The following ZNF407 variants were observed in gnomAD, a reference collection of about 807,000 sequenced individuals.
The protein encoded by ZNF407 is zinc finger protein 407.
Under a neutral mutation model 131.2 loss-of-function variants are expected in ZNF407, and 17 were observed. That is an observed-to-expected ratio of 0.13 (90% CI 0.09 to 0.19). ZNF407 has a LOEUF of 0.19. Ranked by LOEUF, ZNF407 falls within the 10% of genes least tolerant of loss-of-function variation. The probability of loss-of-function intolerance (pLI) is 1.00; values close to 1 mark genes in which losing one functional copy is unlikely to be tolerated. For synonymous variants in ZNF407, 1,156 were observed against 1,062.0 expected (o/e 1.09, Z -1.72); for missense variants, 2,681 against 2,830.6 (o/e 0.95, Z 1.20).
intron 8 of ZNF407, among the ~76,000 whole-genome samples, chr18:75,020,407 C>G (rs370102952): frequency 6.6e-6 from 1 of 151,874 alleles, no homozygotes; most frequent in Non-Finnish European, 1.5e-5. Context: ...GGAAGGTGTT[C>G]CCTGCACATA....
rs995665012 is a variant in ZNF407, at chr18:74,619,362, T to C, written c.-53-11605T>C. Among the ~76,000 whole-genome samples the C allele has an allele frequency of 1.6e-3, 247 of 152,354 alleles. 3 individuals are homozygous for C. The highest frequency in any genetic ancestry group is 0.011 in the South Asian group (51 of 4,832). ...GCTTGCTTACTGAAGCTTAATGTTC[T>C]TTTTCAAAAGTGTTAAACATTTTCA... On this transcript the variant is annotated intron_variant, in intron 1 of 8. Transcript: ENST00000299687.
intron 4 of ZNF407, among the ~76,000 whole-genome samples, chr18:74,795,951 C>G (rs1054684470): frequency 6.6e-6 from 1 of 152,246 alleles, no homozygotes; most frequent in Non-Finnish European, 1.5e-5. Flanking sequence ...GCTGTGCACA[C>G]GCGCACACAC....
chr18:74,614,186 ATAGCT>A (rs950313248), intron 1 of ZNF407, among the ~76,000 whole-genome samples: 59 of 152,248 alleles, frequency 3.9e-4, no homozygotes, highest in African/African-American at 1.4e-3. Context: ...ACTTTTAAAA[ATAGCT>A]TAGAAAGAAA....
Position 74,635,824 on chromosome 18 carries a change from C to T in ZNF407, c.4687+118C>T. The T allele has an allele frequency of 3.0e-6, 4 of 1,351,816 alleles. No individual in the cohort carries two copies. In the South Asian group the frequency reaches 4.5e-5, roughly 15 times the overall value. The allele number at this position is 1,351,816 out of a possible 1,614,324, so 83.7% of individuals were successfully genotyped here. ...TTTCCACCCGGTTCACATTTCACTG[C>T]CGTGTGCTGCTCTGCTTGTCTGCAA... On this transcript the variant is annotated intron_variant, in intron 2 of 8. Coordinates refer to ENST00000299687, the MANE Select transcript of ZNF407 (RefSeq NM_017757.3). The surrounding 1 kb of genome is among the most constrained non-coding windows in gnomAD (Gnocchi z 4.7).
intron 8 of ZNF407, among the ~76,000 whole-genome samples, chr18:75,060,559 G>A (rs1032107758): frequency 1.5e-5 from 2 of 137,458 alleles, no homozygotes; most frequent in African/African-American, 5.5e-5. Context: ...AGGCTGGAGT[G>A]CGATGGCGCG....
At chr18:74,879,387 G>A (rs917668931) in intron 5 of ZNF407, among the ~76,000 whole-genome samples, 5 of 151,962 alleles carry the variant, frequency 3.3e-5, no homozygotes, top group African/African-American at 4.8e-5. Flanking sequence ...CTCCTCACAC[G>A]CACAGCAGGC....
intron 3 of ZNF407, among the ~76,000 whole-genome samples, chr18:74,669,740 A>G (rs1045097134): frequency 5.3e-5 from 8 of 152,184 alleles, no homozygotes; most frequent in Admixed American, 4.6e-4. Flanking sequence ...GACGAACTGC[A>G]TCTCTGTTTT....
intron 8 of ZNF407, among the ~76,000 whole-genome samples, chr18:74,985,418 G>A (rs1972641326): frequency 1.3e-5 from 2 of 152,146 alleles, no homozygotes; most frequent in South Asian, 2.1e-4. Context: ...AGGAAAGTCT[G>A]GAGTCTACTA....
At chr18:74,826,121 T>C (rs1970406605) in intron 4 of ZNF407, among the ~76,000 whole-genome samples, 1 of 152,202 alleles carries the variant, frequency 6.6e-6, no homozygotes, top group African/African-American at 2.4e-5. Context: ...TTGTAGAACT[T>C]TCAAAAACTT....
chr18:74,837,598 A>G (rs187498130), intron 4 of ZNF407, among the ~76,000 whole-genome samples: 1 of 152,064 alleles, frequency 6.6e-6, no homozygotes, highest in East Asian at 1.9e-4. Flanking sequence ...TCTAATGCCT[A>G]TCTTTGCTGA....
intron 7 of ZNF407, among the ~76,000 whole-genome samples, chr18:74,895,003 A>G (rs1376052478): frequency 6.6e-6 from 1 of 151,694 alleles, no homozygotes; most frequent in East Asian, 1.9e-4. Flanking sequence ...TTTATTCATT[A>G]CTTGACATCA....
intron 4 of ZNF407, chr18:74,803,973 T>C (rs1405576943): frequency 1.3e-6 from 2 of 1,551,622 alleles, no homozygotes; most frequent in Admixed American, 2.0e-5. Flanking sequence ...GAGTAAAGGT[T>C]GCATATCGAA....
At chr18:74,725,667 T>TA (rs1473401345) in intron 3 of ZNF407, among the ~76,000 whole-genome samples, 2 of 152,310 alleles carry the variant, frequency 1.3e-5, no homozygotes, top group South Asian at 2.1e-4. Context: ...TTCAGTCTCT[T>TA]AGAGTTTTTT....
At chr18:74,903,979 G>C (rs1971562368) in intron 7 of ZNF407, among the ~76,000 whole-genome samples, 1 of 152,178 alleles carries the variant, frequency 6.6e-6, no homozygotes, top group Non-Finnish European at 1.5e-5. Flanking sequence ...GCATATTAAA[G>C]ACTCGGAGAA....
chr18:75,003,892 T>C (rs1043866759), intron 8 of ZNF407, among the ~76,000 whole-genome samples: 2 of 152,168 alleles, frequency 1.3e-5, no homozygotes, highest in Non-Finnish European at 2.9e-5. Flanking sequence ...ACTTACACAC[T>C]ATTCCAGCTC....
At chr18:74,950,474 A>G (rs1420956275) in intron 8 of ZNF407, among the ~76,000 whole-genome samples, 2 of 152,150 alleles carry the variant, frequency 1.3e-5, no homozygotes, top group African/African-American at 4.8e-5. Context: ...TAGAAGTCTC[A>G]TTTATCAAGG....
intron 3 of ZNF407, among the ~76,000 whole-genome samples, chr18:74,730,138 G>A (rs898415598): frequency 1.8e-4 from 28 of 152,158 alleles, no homozygotes; most frequent in Non-Finnish European, 1.6e-4. Flanking sequence ...CATGGTACCT[G>A]CTCTTCAATG....
chr18:74,620,562 C>T (rs1983470351), intron 1 of ZNF407, among the ~76,000 whole-genome samples: 2 of 152,188 alleles, frequency 1.3e-5, no homozygotes, highest in East Asian at 3.8e-4. Flanking sequence ...AAACGATATT[C>T]TATTCCGACA....
chr18:74,777,859 A>T (rs532474889), intron 3 of ZNF407, among the ~76,000 whole-genome samples: 6 of 152,096 alleles, frequency 3.9e-5, no homozygotes, highest in Non-Finnish European at 4.4e-5. Context: ...AGGCAGGAGG[A>T]TTCCTTGAGC....
Sources: allele counts gnomAD v4.1 joint callset (sites outside exome capture counted in the v4.1 genomes callset), GRCh38; gene constraint gnomAD v4.1.1; non-coding constraint Gnocchi (gnomAD v3.1); transcripts MANE v1.5; gene names NCBI Gene and HGNC (gene_info 2026-07-23, HGNC 2026-07-21).